Variants in SPIB observed in about 807,000 individuals in gnomAD.
SPIB encodes the protein transcription factor Spi-B.
In SPIB, 7 loss-of-function variants were observed where a neutral mutation model predicts 31.9. The observed-to-expected ratio is 0.22, with a 90% CI of 0.12 to 0.41. The LOEUF is 0.41. SPIB is among the 10% of genes least tolerant of loss of function. The probability of loss-of-function intolerance (pLI) is 1.00; values close to 1 mark genes in which losing one functional copy is unlikely to be tolerated. For missense variants in SPIB, 327 were observed against 360.2 expected (o/e 0.91, Z 0.75); for synonymous variants, 176 against 158.9 (o/e 1.11, Z -0.81).
At chr19:50,424,973 A>AAACC (rs1221166904) in intron 5 of SPIB, among the ~76,000 whole-genome samples, 1 of 151,202 alleles carries the variant, frequency 6.6e-6, no homozygotes, top group Non-Finnish European at 1.5e-5. Context: ...ACAAACAAAC[A>AAACC]AAACCACAGC....
chr19:50,423,204 C>CAAAAAAA (rs59236153), intron 4 of SPIB, 167 bp downstream of exon 4: 4 of 285,120 alleles, frequency 1.4e-5, no homozygotes, highest in Admixed American at 6.1e-5. Flanking sequence ...GACCCTGTCT[C>CAAAAAAA]AAAAAAAAAA....
chr19:50,421,217 C>A (rs2039489763), intron 2 of SPIB, among the ~76,000 whole-genome samples: 4 of 152,226 alleles, frequency 2.6e-5, no homozygotes, highest in Admixed American at 2.6e-4. Context: ...AGGAGTGAGA[C>A]TGCCAGGTCC....
intron 4 of SPIB, 143 bp from the exon 5 acceptor site, chr19:50,423,462 T>C: frequency 9.1e-7 from 1 of 1,094,498 alleles, no homozygotes. Flanking sequence ...GGCCACAGCG[T>C]GGTGATCTGA....
At chr19:50,420,215 G>A (rs980712825) in intron 2 of SPIB, among the ~76,000 whole-genome samples, 2 of 152,140 alleles carry the variant, frequency 1.3e-5, no homozygotes, top group African/African-American at 2.4e-5. Context: ...TTCAGACAAT[G>A]TATTTTCATG....
rs1488433129 is a variant in SPIB at position 50,427,989 on chromosome 19, G to A, written c.491-49G>A. The A allele has an allele frequency of 2.8e-6, 4 of 1,446,546 alleles. No homozygotes were observed. In the African/African-American group the frequency reaches 4.3e-5, roughly 16 times the overall value. 89.6% of individuals were successfully genotyped at this position (1,446,546 alleles called of 1,614,324 possible). On this transcript the variant is annotated intron_variant, in intron 5 of 5. Coordinates refer to ENST00000595883, the MANE Select transcript of SPIB (RefSeq NM_003121.5). Reference sequence around the variant, plus strand: ...TCGGAGGAGGGTGGATGGGGAAGGCGGGGCCTTAGGGACCCCTCACCTAAC... The same window carrying A: ...TCGGAGGAGGGTGGATGGGGAAGGCAGGGCCTTAGGGACCCCTCACCTAAC...
In SPIB at chr19:50,419,988, C is replaced by T. The variant is rs2039473532; in HGVS notation, c.51+15C>T. On this transcript the variant is annotated intron_variant, in intron 2 of 5. Coordinates refer to ENST00000595883, the MANE Select transcript of SPIB (RefSeq NM_003121.5). ...TCAGCTGTCTGGTGAGTTGGGGCCC[C>T]TGGGGGCCAGGGAGGGGTGGCCCAC... 1 of 1,464,848 alleles carries T rather than the reference C, an allele frequency of 6.8e-7. No homozygotes were observed. The highest frequency in any genetic ancestry group is 9.0e-7 in the Non-Finnish European group (1 of 1,112,168). 90.7% of individuals were successfully genotyped at this position (1,464,848 alleles called of 1,614,324 possible).
chr19:50,419,094 G>T (rs949965564), intron 1 of SPIB, 109 bp downstream of exon 1: 2 of 1,340,344 alleles, frequency 1.5e-6, no homozygotes, highest in East Asian at 2.5e-5. Context: ...CGGTGGGTGG[G>T]AGTGGAGGGG....
rs1198149448 is a variant in SPIB at position 50,427,858 on chromosome 19, GCCCCC to G, written c.491-169_491-165del. Among the ~76,000 whole-genome samples, 14 of 56,636 alleles carry G rather than the reference GCCCCC, an allele frequency of 2.5e-4. 1 individual carries two copies. The highest frequency in any genetic ancestry group is 3.1e-4 in the African/African-American group (5 of 16,116). 37.2% of individuals were successfully genotyped at this position (56,636 alleles called of 152,430 possible). A position where few individuals can be genotyped will look rare whatever the true frequency, so the allele number is the denominator to read the frequency against. On this transcript the variant is annotated intron_variant, in intron 5 of 5. Transcript: ENST00000595883. Reference sequence around the variant, plus strand: ...CAGCTTCGGGCAGGGGGAGTGGCTTGCCCCCCCCCCCCCCCGTGGTGAGGGGCGCA... The same window carrying G: ...CAGCTTCGGGCAGGGGGAGTGGCTTGCCCCCCCCCCGTGGTGAGGGGCGCA...
intron 5 of SPIB, among the ~76,000 whole-genome samples, 165 bp from the exon 6 acceptor site, chr19:50,427,873 C>CA (rs1491407173): frequency 0.014 from 1,665 of 121,844 alleles, 36 homozygotes; most frequent in East Asian, 0.02. Flanking sequence ...CCCCCCCCCC[C>CA]GTGGTGAGGG....
rs1046002485 is a variant in SPIB at position 50,431,110 on chromosome 19, C to T, written c.*2774C>T. On this transcript the variant is annotated 3_prime_UTR_variant, in exon 6 of 6. Coordinates refer to ENST00000595883, the MANE Select transcript of SPIB (RefSeq NM_003121.5). Reference sequence around the variant, plus strand: ...CCTGCCCCTCCACTGAGGCCGCTGGCTCTCAGAGACACCGTGACATCACGG... The same window carrying T: ...CCTGCCCCTCCACTGAGGCCGCTGGTTCTCAGAGACACCGTGACATCACGG... The T allele has an allele frequency of 6.6e-6, 1 of 152,266 alleles. No homozygotes were observed. The highest frequency in any genetic ancestry group is 1.5e-5 in the Non-Finnish European group (1 of 68,056). 9.4% of individuals were successfully genotyped at this position (152,266 alleles called of 1,614,324 possible).
Position 50,423,569 on chromosome 19 carries a change from G to C in SPIB, c.340-36G>C, listed in dbSNP as rs768419998. ...AGGAGGAAGTGGAGGGAGACAAGGG[G>C]TCCCTGGACATGCAGGTGACCCTGA... On this transcript the variant is annotated intron_variant, in intron 4 of 5. Transcript: ENST00000595883. 3.1e-5 allele frequency: 50 copies of C among 1,602,612 alleles called. 2 individuals are homozygous for C. The South Asian group carries it at 5.0e-4, about 16-fold the overall frequency.
At chr19:50,421,757 G>C (rs1374368807) in intron 2 of SPIB, among the ~76,000 whole-genome samples, 6 of 152,182 alleles carry the variant, frequency 3.9e-5, no homozygotes, top group Non-Finnish European at 7.4e-5. Context: ...TGGGATTACA[G>C]ACATCTGCCA....
intron 5 of SPIB, 116 bp from the exon 6 acceptor site, chr19:50,427,922 C>G: frequency 8.1e-7 from 1 of 1,238,530 alleles, no homozygotes; most frequent in South Asian, 1.6e-5. Context: ...CTTCCCTCAC[C>G]CCACTTTTCA....
At position 50,427,869 on chromosome 19, in the gene SPIB, C is replaced by A. The variant is rs976051473; in HGVS notation, c.491-169C>A. The stretch of plus-strand genomic sequence containing the variant: ...AGGGGGAGTGGCTTGCCCCCCCCCC[C>A]CCCCGTGGTGAGGGGCGCAGAGCCA... On this transcript the variant is annotated intron_variant, in intron 5 of 5. Coordinates refer to ENST00000595883, the MANE Select transcript of SPIB (RefSeq NM_003121.5). 5.7e-4 allele frequency among the ~76,000 whole-genome samples: 80 copies of A among 139,368 alleles called. 1 individual carries two copies. Among genetic ancestry groups the A allele is most frequent in the Admixed American group, 3.3e-3 (45 of 13,728 alleles). The allele number at this position is 139,368 out of a possible 152,430, so 91.4% of individuals were successfully genotyped here. A position where few individuals can be genotyped will look rare whatever the true frequency, so the allele number is the denominator to read the frequency against.
chr19:50,423,875 C>A, intron 5 of SPIB, 120 bp downstream of exon 5: 1 of 1,185,446 alleles, frequency 8.4e-7, no homozygotes. Flanking sequence ...CCCAGATCCG[C>A]ACCACCTGCT....
At position 50,422,833 on chromosome 19, in the gene SPIB, G is replaced by T. The variant is rs751180315; in HGVS notation, c.135G>T (p.Trp45Cys). 7 of 1,578,060 alleles carry T rather than the reference G, an allele frequency of 4.4e-6. No homozygotes were observed. The Admixed American group carries it at 9.4e-5, about 21-fold the overall frequency. The change falls in exon 4 of 6, where the codon TGG (tryptophan) becomes TGT (cysteine). Residue 45 changes from tryptophan (W) to cysteine (C), a missense_variant. This residue lies in a region of SPIB where 238 missense variants were observed against 228.8 expected (regional missense o/e 1.04). Coordinates refer to ENST00000595883, the MANE Select transcript of SPIB (RefSeq NM_003121.5). ...GTGCCCTTCCCCCAGACTCCCTGTG[G>T]GACTGGACTGTGGCCCCACCTGTCC... Reference protein sequence around the residue: ...PDSEGAPDSLWDWTVAPPVPA... With the variant: ...PDSEGAPDSLCDWTVAPPVPA...
At chr19:50,427,949 GC>G (rs2039589182) in intron 5 of SPIB, 88 bp from the exon 6 acceptor site, 1 of 1,388,774 alleles carries the variant, frequency 7.2e-7, no homozygotes, top group Non-Finnish European at 9.5e-7. Flanking sequence ...GGAGATGGAG[GC>G]CGGGGTGGAA....
chr19:50,425,533 T>C (rs2039554239), intron 5 of SPIB, among the ~76,000 whole-genome samples: 2 of 152,186 alleles, frequency 1.3e-5, no homozygotes, highest in South Asian at 2.1e-4. Flanking sequence ...CTCAAACTCC[T>C]GGGCTCAATC....
In SPIB at chr19:50,431,290, CA is replaced by C. The variant is rs930167849; in HGVS notation, c.*2962del. On this transcript the variant is annotated 3_prime_UTR_variant, in exon 6 of 6. Coordinates refer to ENST00000595883, the MANE Select transcript of SPIB (RefSeq NM_003121.5). ...GTGAGATCCCCTTCCCACCCGTCTA[CA>C]AAAAAAATAAAAAATTAGCGGGGTG... 6.6e-6 allele frequency: 1 copy of C among 151,920 alleles called. No individual in the cohort carries two copies. The highest frequency in any genetic ancestry group is 2.1e-4 in the South Asian group (1 of 4,828). The allele number at this position is 151,920 out of a possible 1,614,324, so 9.4% of individuals were successfully genotyped here. A position where few individuals can be genotyped will look rare whatever the true frequency, so the allele number is the denominator to read the frequency against.
Sources: gnomAD v4.1 joint callset for allele counts (sites outside exome capture counted in the v4.1 genomes callset) on GRCh38, gnomAD v4.1.1 for gene constraint, gnomAD v4.1.1 regional missense constraint, MANE v1.5 for transcripts, NCBI Gene and HGNC (gene_info 2026-07-23, HGNC 2026-07-21) for gene names.